Variants in CADPS2 observed in about 807,000 individuals in gnomAD.
CADPS2 encodes calcium dependent secretion activator 2.
A neutral mutation model predicts 172.5 loss-of-function variants in CADPS2; 93 were observed. The ratio of observed to expected loss-of-function variants is 0.54; its 90% confidence interval spans 0.46 to 0.64. CADPS2 has a LOEUF of 0.64. Among genes scored for constraint, CADPS2 ranks in the 30% least tolerant of loss-of-function variants. CADPS2 has a pLI of 0.00. For synonymous variants in CADPS2, 546 were observed against 555.2 expected (o/e 0.98, Z 0.23); for missense variants, 1,420 against 1,565.9 (o/e 0.91, Z 1.57).
intron 20 of CADPS2, among the ~76,000 whole-genome samples, chr7:122,406,910 C>T (rs1467546928): frequency 6.6e-6 from 1 of 152,070 alleles, no homozygotes; most frequent in Non-Finnish European, 1.5e-5. Context: ...CCTAGGAATC[C>T]GTATGTTAAA....
At chr7:122,592,972 G>C (rs1455226714) in intron 6 of CADPS2, among the ~76,000 whole-genome samples, 1 of 148,102 alleles carries the variant, frequency 6.8e-6, no homozygotes, top group Non-Finnish European at 1.5e-5. Context: ...GTGTACCCTA[G>C]AACTTGAAGT....
chr7:122,503,644 A>G (rs1440970387), intron 9 of CADPS2, among the ~76,000 whole-genome samples: 1 of 152,154 alleles, frequency 6.6e-6, no homozygotes, highest in Non-Finnish European at 1.5e-5. Context: ...TAAGTTACTG[A>G]ATTTAGTTTC....
chr7:122,807,150 G>A (rs1001651179), intron 1 of CADPS2, among the ~76,000 whole-genome samples: 3 of 152,202 alleles, frequency 2.0e-5, no homozygotes, highest in Non-Finnish European at 2.9e-5. Flanking sequence ...GGCATGTGCT[G>A]GTGGCCTACC....
chr7:122,845,154 A>G (rs1462599122), intron 1 of CADPS2, among the ~76,000 whole-genome samples: 1 of 152,212 alleles, frequency 6.6e-6, no homozygotes. Context: ...GATAATAAAC[A>G]TAAAAGATCT....
intron 3 of CADPS2, among the ~76,000 whole-genome samples, chr7:122,657,024 T>A (rs1410956862): frequency 6.6e-6 from 1 of 152,212 alleles, no homozygotes; most frequent in African/African-American, 2.4e-5. Context: ...GCTTTCTACA[T>A]ATGGCTAGCC....
At chr7:122,718,182 C>A (rs780895111) in intron 2 of CADPS2, among the ~76,000 whole-genome samples, 58 of 151,762 alleles carry the variant, frequency 3.8e-4, no homozygotes, top group Non-Finnish European at 7.7e-4. Context: ...AAGCTAGAAG[C>A]TTTATATATG....
At position 122,480,844 on chromosome 7, in the gene CADPS2, A is replaced by G. The variant is rs1287503703; in HGVS notation, c.1861+8T>C. Reference sequence around the variant, plus strand: ...ACATCTAATTTTAAAAATCATGAAAATACTTACCTTTACCAGCTACAGGTC... The same window carrying G: ...ACATCTAATTTTAAAAATCATGAAAGTACTTACCTTTACCAGCTACAGGTC... On this transcript the variant is annotated splice_region_variant and intron_variant, in intron 12 of 29. Coordinates refer to ENST00000449022, the MANE Select transcript of CADPS2 (RefSeq NM_017954.11). 1 of 1,514,768 alleles carries G rather than the reference A, an allele frequency of 6.6e-7. No individual in the cohort carries two copies. The highest frequency in any genetic ancestry group is 2.0e-5 in the Admixed American group (1 of 48,958). 93.8% of individuals were successfully genotyped at this position (1,514,768 alleles called of 1,614,324 possible).
intron 1 of CADPS2, among the ~76,000 whole-genome samples, chr7:122,837,592 A>G (rs1250139957): frequency 2.6e-5 from 4 of 152,006 alleles, no homozygotes; most frequent in Admixed American, 2.6e-4. Flanking sequence ...AATGATAAAG[A>G]GGATATCACC....
At chr7:122,522,513 C>T (rs372695430) in intron 8 of CADPS2, among the ~76,000 whole-genome samples, 22 of 152,024 alleles carry the variant, frequency 1.4e-4, no homozygotes, top group African/African-American at 4.8e-4. Context: ...ATGGTAAAAT[C>T]GGGATATTTG....
At chr7:122,750,940 T>C (rs1041727577) in intron 1 of CADPS2, among the ~76,000 whole-genome samples, 1 of 152,122 alleles carries the variant, frequency 6.6e-6, no homozygotes, top group Non-Finnish European at 1.5e-5. Context: ...AGTGAGTAGA[T>C]TTAGACTTAA....
intron 1 of CADPS2, among the ~76,000 whole-genome samples, chr7:122,869,125 A>G (rs1819067005): frequency 6.6e-6 from 1 of 152,130 alleles, no homozygotes; most frequent in Non-Finnish European, 1.5e-5. Flanking sequence ...AAAAAGGAAT[A>G]CAAACCATAT....
At chr7:122,342,748 A>C (rs2036974620) in intron 28 of CADPS2, among the ~76,000 whole-genome samples, 1 of 152,088 alleles carries the variant, frequency 6.6e-6, no homozygotes, top group Non-Finnish European at 1.5e-5. Context: ...TGTGTGTGTA[A>C]CCATGTTTTC....
chr7:122,568,042 C>A (rs1041141361), intron 7 of CADPS2, among the ~76,000 whole-genome samples: 3 of 151,938 alleles, frequency 2.0e-5, no homozygotes, highest in African/African-American at 7.2e-5. Context: ...GAAATATAGT[C>A]TAAGTGTAAA....
intron 2 of CADPS2, among the ~76,000 whole-genome samples, chr7:122,703,324 T>C (rs1191828496): frequency 6.6e-6 from 1 of 152,062 alleles, no homozygotes; most frequent in Admixed American, 6.6e-5. Context: ...CACTACCCAA[T>C]ATGGCATTCT....
At chr7:122,656,062 GAGC>G (rs1269553308) in intron 3 of CADPS2, among the ~76,000 whole-genome samples, 1 of 152,136 alleles carries the variant, frequency 6.6e-6, no homozygotes, top group African/African-American at 2.4e-5. Context: ...ACAGCACTTG[GAGC>G]AGAAGCTGCT....
At chr7:122,693,778 A>T (rs917440174) in intron 2 of CADPS2, among the ~76,000 whole-genome samples, 7 of 152,166 alleles carry the variant, frequency 4.6e-5, no homozygotes. Flanking sequence ...CAACATGGCA[A>T]AACCCCAACT....
intron 14 of CADPS2, among the ~76,000 whole-genome samples, chr7:122,469,031 A>G (rs920119307): frequency 1.3e-5 from 2 of 152,212 alleles, no homozygotes; most frequent in Non-Finnish European, 2.9e-5. Flanking sequence ...ATGCAATATT[A>G]AAGATAATAT....
chr7:122,780,838 T>C lies in CADPS2; in HGVS notation c.340-43770A>G, dbSNP rs1282395821. ...TGTGGCTGCACCACGATTTACACTC[T>C]ATTCCCTCTGACAGCGTTTATATTG... On this transcript the variant is annotated intron_variant, in intron 1 of 29. Coordinates refer to ENST00000449022, the MANE Select transcript of CADPS2 (RefSeq NM_017954.11). Among the ~76,000 whole-genome samples the C allele has an allele frequency of 3.3e-5, 5 of 152,314 alleles. No individual in the cohort carries two copies. In the East Asian group the frequency reaches 9.7e-4, roughly 29 times the overall value.
chr7:122,326,914 A>T (rs909658956), intron 28 of CADPS2, among the ~76,000 whole-genome samples: 11 of 152,082 alleles, frequency 7.2e-5, no homozygotes, highest in Non-Finnish European at 1.2e-4. Context: ...AAATGAGATA[A>T]GCTAATTTAA....
Sources: gnomAD v4.1 joint callset for allele counts (sites outside exome capture counted in the v4.1 genomes callset) on GRCh38, gnomAD v4.1.1 for gene constraint, MANE v1.5 for transcripts, NCBI Gene and HGNC (gene_info 2026-07-23, HGNC 2026-07-21) for gene names.